The following RAPGEF5 variants were observed in gnomAD, a reference collection of about 807,000 sequenced individuals.
The protein encoded by RAPGEF5 is Rap guanine nucleotide exchange factor 5.
Under a neutral mutation model 125.2 loss-of-function variants are expected in RAPGEF5, and 65 were observed. The ratio of observed to expected loss-of-function variants is 0.52; its 90% CI spans 0.43 to 0.64. The LOEUF is 0.64. Ranked by LOEUF, RAPGEF5 falls within the 30% of genes least tolerant of loss-of-function variation. The probability of loss-of-function intolerance (pLI) is 0.00; values close to 1 mark genes in which losing one functional copy is unlikely to be tolerated. For synonymous variants in RAPGEF5, 391 were observed against 385.9 expected (o/e 1.01, Z -0.16); for missense variants, 958 against 1,048.1 (o/e 0.91, Z 1.19).
chr7:22,299,756 A>AT (rs1783152259), intron 5 of RAPGEF5, among the ~76,000 whole-genome samples: 1 of 152,078 alleles, frequency 6.6e-6, no homozygotes, highest in Admixed American at 6.5e-5. Flanking sequence ...ATTGTAGAGG[A>AT]TTGACAGTTC....
At chr7:22,238,267 C>A (rs947545567) in intron 7 of RAPGEF5, among the ~76,000 whole-genome samples, 2 of 152,182 alleles carry the variant, frequency 1.3e-5, no homozygotes, top group African/African-American at 2.4e-5. Flanking sequence ...AATACCATTT[C>A]TTGGAATTTA....
intron 6 of RAPGEF5, among the ~76,000 whole-genome samples, chr7:22,284,907 G>C (rs983564293): frequency 6.6e-6 from 1 of 152,166 alleles, no homozygotes; most frequent in Non-Finnish European, 1.5e-5. Context: ...ATCACATACA[G>C]ATGATCCTTG....
rs999664503 is a variant in RAPGEF5 at position 22,310,156 on chromosome 7, T to A, written c.390-66A>T. 55 of 1,399,782 alleles carry A rather than the reference T, an allele frequency of 3.9e-5. No individual in the cohort carries two copies. In the South Asian group the frequency reaches 4.3e-4, roughly 11 times the overall value. The allele number at this position is 1,399,782 out of a possible 1,614,324, so 86.7% of individuals were successfully genotyped here. ...CATCCGTTTGCCAAAAAAACAAAAATGATATATAATACCTTTCCTTTCATG... is the reference window on the plus strand; with the variant it reads ...CATCCGTTTGCCAAAAAAACAAAAAAGATATATAATACCTTTCCTTTCATG... On this transcript the variant is annotated intron_variant, in intron 3 of 25. Transcript: ENST00000665637.
intron 11 of RAPGEF5, among the ~76,000 whole-genome samples, chr7:22,180,354 G>C (rs553894660): frequency 2.0e-5 from 3 of 152,250 alleles, no homozygotes; most frequent in African/African-American, 7.2e-5. Flanking sequence ...TTCACTTGCA[G>C]CTAGATGTGG....
In RAPGEF5 at chr7:22,349,428, A is replaced by AG. The variant is rs200680921; in HGVS notation, c.231+7401_231+7402insC. ...GATAGAGTGAGACTCCATCCAAAAAAAAAAAAAAAAAAAAGGGTGACTATA... is the reference window on the plus strand; with the variant it reads ...GATAGAGTGAGACTCCATCCAAAAAAGAAAAAAAAAAAAAAGGGTGACTATA... On this transcript the variant is annotated intron_variant, in intron 1 of 25. Coordinates refer to ENST00000665637, the MANE Select transcript of RAPGEF5 (RefSeq NM_012294.5). Among the ~76,000 whole-genome samples the AG allele has an allele frequency of 4.5e-3, 677 of 151,760 alleles. 13 individuals are homozygous for AG. In the East Asian group the frequency reaches 0.056, roughly 13 times the overall value.
intron 1 of RAPGEF5, among the ~76,000 whole-genome samples, chr7:22,340,080 A>G (rs1218483032): frequency 6.6e-6 from 1 of 152,136 alleles, no homozygotes; most frequent in Non-Finnish European, 1.5e-5. Context: ...GTGTGCTTCA[A>G]TCATCCAAAC....
intron 9 of RAPGEF5, among the ~76,000 whole-genome samples, chr7:22,194,945 C>T (rs1036487121): frequency 3.3e-5 from 5 of 152,172 alleles, no homozygotes; most frequent in Admixed American, 2.6e-4. Context: ...AGTAAGCGTA[C>T]GGTAGCCCGG....
At chr7:22,215,830 T>C (rs1785624403) in intron 9 of RAPGEF5, among the ~76,000 whole-genome samples, 1 of 152,090 alleles carries the variant, frequency 6.6e-6, no homozygotes. Context: ...GTTTGTGTAG[T>C]CCCCATAGTG....
intron 1 of RAPGEF5, among the ~76,000 whole-genome samples, chr7:22,348,913 C>G (rs1331546023): frequency 6.6e-6 from 1 of 151,464 alleles, no homozygotes; most frequent in African/African-American, 2.4e-5. Context: ...GTGGCAAAAC[C>G]CCATCTCTAC....
chr7:22,187,524 C>A (rs1784860990), intron 11 of RAPGEF5, among the ~76,000 whole-genome samples: 1 of 152,352 alleles, frequency 6.6e-6, no homozygotes, highest in South Asian at 2.1e-4. Context: ...ACAGAACCCA[C>A]ACAAAAATCC....
chr7:22,125,937 C>T (rs1214310322), intron 24 of RAPGEF5, among the ~76,000 whole-genome samples: 1 of 152,136 alleles, frequency 6.6e-6, no homozygotes, highest in African/African-American at 2.4e-5. Context: ...CACTTGAGGT[C>T]AGGAGTTTGA....
At chr7:22,184,596 C>T (rs980639678) in intron 11 of RAPGEF5, among the ~76,000 whole-genome samples, 2 of 152,180 alleles carry the variant, frequency 1.3e-5, no homozygotes, top group Admixed American at 1.3e-4. Context: ...TAAATATCTT[C>T]CTTTGCCCAT....
rs986895076 is a variant in RAPGEF5 at position 22,176,695 on chromosome 7, A to T, written c.1205-9547T>A. Among the ~76,000 whole-genome samples the T allele has an allele frequency of 6.6e-5, 10 of 151,916 alleles. 2 individuals are homozygous for T. Among genetic ancestry groups the T allele is most frequent in the African/African-American group, 2.4e-4 (10 of 41,420 alleles). ...AGGAGCCCACCACCATGCCCGGGTA[A>T]TTTTTTTCTATTTTTAGCAGAGGTG... On this transcript the variant is annotated intron_variant, in intron 11 of 25. Transcript: ENST00000665637.
At chr7:22,271,964 A>G (rs1782437516) in intron 6 of RAPGEF5, among the ~76,000 whole-genome samples, 1 of 152,136 alleles carries the variant, frequency 6.6e-6, no homozygotes, top group Non-Finnish European at 1.5e-5. Flanking sequence ...GAGTTTCTCC[A>G]TGGGAGAGGT....
rs116042121 is a variant in RAPGEF5, at chr7:22,145,885, T to G, written c.2008-663A>C. 4.8e-3 allele frequency among the ~76,000 whole-genome samples: 736 copies of G among 152,098 alleles called. 7 individuals are homozygous for G. Among genetic ancestry groups the G allele is most frequent in the African/African-American group, 0.017 (708 of 41,498 alleles). On this transcript the variant is annotated intron_variant, in intron 19 of 25. Transcript: ENST00000665637. ...GGGCAAGGTCTGATAATTTACGAAA[T>G]CAAACAAGACCAGTAACTATTTATA...
chr7:22,213,038 C>G (rs1351716840), intron 9 of RAPGEF5, among the ~76,000 whole-genome samples: 1 of 152,122 alleles, frequency 6.6e-6, no homozygotes, highest in Admixed American at 6.5e-5. Context: ...TTTGATAAAT[C>G]AAACAAACTG....
chr7:22,201,715 T>C (rs1288161192), intron 9 of RAPGEF5, among the ~76,000 whole-genome samples: 1 of 152,206 alleles, frequency 6.6e-6, no homozygotes, highest in Non-Finnish European at 1.5e-5. Context: ...CATGTGACCT[T>C]TGAGAGTGGC....
intron 9 of RAPGEF5, among the ~76,000 whole-genome samples, chr7:22,213,864 T>G (rs1785567272): frequency 6.6e-6 from 1 of 152,236 alleles, no homozygotes; most frequent in South Asian, 2.1e-4. Flanking sequence ...TGCTTGAAAC[T>G]ACTCACCTAG....
intron 7 of RAPGEF5, among the ~76,000 whole-genome samples, chr7:22,257,279 A>G (rs1306281027): frequency 1.3e-5 from 2 of 152,208 alleles, no homozygotes; most frequent in African/African-American, 4.8e-5. Flanking sequence ...AAAAGTATTC[A>G]ATAGTTTTAA....
Sources: gnomAD v4.1 joint callset for allele counts (sites outside exome capture counted in the v4.1 genomes callset) on GRCh38, gnomAD v4.1.1 for gene constraint, MANE v1.5 for transcripts, NCBI Gene and HGNC (gene_info 2026-07-23, HGNC 2026-07-21) for gene names.